Variants in MEIS3 observed in about 807,000 individuals in gnomAD.
The protein encoded by MEIS3 is Meis homeobox 3.
MEIS3 carries 38 observed loss-of-function variants against 51.4 expected under a neutral mutation model. That is an observed-to-expected ratio of 0.74 (90% CI 0.57 to 0.97). The LOEUF (loss-of-function observed/expected upper bound fraction) is 0.97. Ranked by LOEUF, MEIS3 falls within the 50% of genes least tolerant of loss-of-function variation. The pLI is 0.00. For missense variants in MEIS3, 456 were observed against 502.6 expected (o/e 0.91, Z 0.89); for synonymous variants, 198 against 201.8 (o/e 0.98, Z 0.16).
At chr19:47,403,844 G>A (rs1488397881) in intron 12 of MEIS3, among the ~76,000 whole-genome samples, 2 of 152,096 alleles carry the variant, frequency 1.3e-5, no homozygotes, top group Non-Finnish European at 2.9e-5. Flanking sequence ...GAGGGAGTCA[G>A]AGAGAACGAC....
intron 8 of MEIS3, among the ~76,000 whole-genome samples, chr19:47,408,097 A>G (rs1338455808): frequency 6.6e-6 from 1 of 151,432 alleles, no homozygotes; most frequent in African/African-American, 2.4e-5. Context: ...AAGCCACCGC[A>G]CCCAGCCCTC....
At position 47,409,428 on chromosome 19, in the gene MEIS3, A is replaced by C; in HGVS notation, c.709+8T>G. ...CCATGTTTCCCTTCCACCTCCCAAG[A>C]TTCTCACCTTGGTCACTGGAGTTGT... On this transcript the variant is annotated splice_region_variant and intron_variant, in intron 7 of 12. Transcript: ENST00000558555. 1 of 1,607,440 alleles carries C rather than the reference A, an allele frequency of 6.2e-7. No individual in the cohort carries two copies. Among genetic ancestry groups the C allele is most frequent in the South Asian group, 1.1e-5 (1 of 90,950 alleles).
intron 12 of MEIS3, chr19:47,406,256 G>A (rs1774907525): frequency 2.0e-6 from 1 of 503,308 alleles, no homozygotes; most frequent in Admixed American, 3.5e-5. Context: ...GTAGATGGAT[G>A]GATACATGGA....
At chr19:47,420,622 A>T (rs907712920), upstream of MEIS3, among the ~76,000 whole-genome samples, 5 of 150,086 alleles carry the variant, frequency 3.3e-5, no homozygotes, top group Admixed American at 6.6e-5. Context: ...GGGGGACAGG[A>T]GCTCCAATAG....
intron 7 of MEIS3, 78 bp from the exon 8 acceptor site, chr19:47,409,325 A>T: frequency 6.3e-7 from 1 of 1,578,466 alleles, no homozygotes; most frequent in South Asian, 1.1e-5. Context: ...CTCCCCCAAG[A>T]CAACACTCCA....
intron 1 of MEIS3, chr19:47,417,661 A>G: frequency 1.4e-6 from 1 of 702,822 alleles, no homozygotes; most frequent in East Asian, 2.7e-5. Flanking sequence ...GAAGACAGTG[A>G]CAGAGACAGA....
chr19:47,421,697 A>G (rs559619866), upstream of MEIS3, among the ~76,000 whole-genome samples: 238 of 148,870 alleles, frequency 1.6e-3, no homozygotes, highest in African/African-American at 5.5e-3. Context: ...CGCCTGGGCT[A>G]TGTCTGTCTG....
Position 47,413,894 on chromosome 19 carries a change from A to AT in MEIS3, c.597+822dup, listed in dbSNP as rs560828506. ...AGGCACCCGCCACCACACCCAGCTA[A>AT]TTTTTTTTTTTTTTGTATTTTTAGT... On this transcript the variant is annotated intron_variant, in intron 6 of 12. Transcript: ENST00000558555. Among the ~76,000 whole-genome samples the AT allele has an allele frequency of 9.5e-3, 1,347 of 141,780 alleles. 11 individuals are homozygous for AT. The highest frequency in any genetic ancestry group is 0.027 in the African/African-American group (1,028 of 38,650). 93.0% of individuals were successfully genotyped at this position (141,780 alleles called of 152,430 possible). A position where few individuals can be genotyped will look rare whatever the true frequency, so the allele number is the denominator to read the frequency against.
At chr19:47,422,049 G>C (rs1971726469), upstream of MEIS3, among the ~76,000 whole-genome samples, 1 of 151,740 alleles carries the variant, frequency 6.6e-6, no homozygotes, top group Non-Finnish European at 1.5e-5. Context: ...CTTGGTGGGG[G>C]CGCCCACCCC....
chr19:47,403,224 G>A lies in MEIS3; in HGVS notation c.*347C>T, dbSNP rs541133888. The A allele has an allele frequency of 2.2e-4, 68 of 315,620 alleles. No individual in the cohort carries two copies. The highest frequency in any genetic ancestry group is 1.5e-3 in the African/African-American group (66 of 43,938). 19.6% of individuals were successfully genotyped at this position (315,620 alleles called of 1,614,324 possible). ...GGAATCTCTCCAAAATGTCGGATCC[G>A]GGCGACCCTCCTTCCCTGACTGCCC... On this transcript the variant is annotated 3_prime_UTR_variant, in exon 13 of 13. Coordinates refer to ENST00000558555, the MANE Select transcript of MEIS3 (RefSeq NM_001301059.2).
In MEIS3 at chr19:47,407,547, ACCGGCG is replaced by A. The variant is rs764243856; in HGVS notation, c.859-125_859-120del. 5.7e-6 allele frequency: 9 copies of A among 1,578,854 alleles called. No homozygotes were observed. The Admixed American group carries it at 1.6e-4, about 29-fold the overall frequency. On this transcript the variant is annotated intron_variant, in intron 8 of 12. Transcript: ENST00000558555. ...CAGGCCCAGGCAGACGTCTGGGAGA[ACCGGCG>A]CTTCTGAGCGTCTCTGCGCTCCCCA...
chr19:47,420,910 T>TCTCTCA (rs1457117398), upstream of MEIS3, among the ~76,000 whole-genome samples: 242 of 70,770 alleles, frequency 3.4e-3, no homozygotes, highest in Admixed American at 4.4e-3. Context: ...TCTCTCTCTC[T>TCTCTCA]CACACACACA....
intron 6 of MEIS3, among the ~76,000 whole-genome samples, chr19:47,411,885 C>G (rs751376790): frequency 2.5e-4 from 38 of 151,846 alleles, no homozygotes; most frequent in Non-Finnish European, 4.4e-4. Flanking sequence ...GCTCTGTCAC[C>G]TAGGCTGGAG....
chr19:47,406,741 C>A (rs1173000511), intron 11 of MEIS3, 147 bp downstream of exon 11: 2 of 865,482 alleles, frequency 2.3e-6, no homozygotes, highest in Admixed American at 5.6e-5. Context: ...GATGGGGGAC[C>A]AGGAAATCTG....
chr19:47,408,021 G>A (rs1970935742), intron 8 of MEIS3, among the ~76,000 whole-genome samples: 1 of 152,084 alleles, frequency 6.6e-6, no homozygotes, highest in Non-Finnish European at 1.5e-5. Flanking sequence ...TGGCCAGGAT[G>A]GTCTCGATCT....
intron 6 of MEIS3, 110 bp downstream of exon 6, chr19:47,414,607 C>A: frequency 1.5e-6 from 2 of 1,313,640 alleles, no homozygotes; most frequent in Non-Finnish European, 2.1e-6. Context: ...GCCCTGTGAT[C>A]AGGCTGACTG....
chr19:47,420,586 TGA>T (rs141566752), upstream of MEIS3, among the ~76,000 whole-genome samples: 23,205 of 62,186 alleles, frequency 0.37, 2,700 homozygotes, highest in East Asian at 0.64. Flanking sequence ...GCAGACAGAG[TGA>T]GACAGACAGG....
At chr19:47,413,487 G>A (rs918967329) in intron 6 of MEIS3, among the ~76,000 whole-genome samples, 3 of 152,042 alleles carry the variant, frequency 2.0e-5, no homozygotes, top group Non-Finnish European at 2.9e-5. Context: ...GTGGTGTGGA[G>A]TGGGTGTGCG....
Position 47,409,559 on chromosome 19 carries a change from G to A in MEIS3, c.598-12C>T. 6.2e-7 allele frequency: 1 copy of A among 1,607,276 alleles called. No homozygotes were observed. Among genetic ancestry groups the A allele is most frequent in the Non-Finnish European group, 8.5e-7 (1 of 1,173,920 alleles). ...ATCCACATATTATTCTAGAAAACAA[G>A]AGTTAGAAGTTAGTGCCAAGGCGGC... On this transcript the variant is annotated splice_polypyrimidine_tract_variant and intron_variant, in intron 6 of 12. Transcript: ENST00000558555.
Sources: allele counts gnomAD v4.1 joint callset (sites outside exome capture counted in the v4.1 genomes callset), GRCh38; gene constraint gnomAD v4.1.1; transcripts MANE v1.5; gene names NCBI Gene and HGNC (gene_info 2026-07-23, HGNC 2026-07-21).